LRP1B: variants seen among roughly 807,000 people sequenced by gnomAD.
LRP1B encodes low-density lipoprotein receptor-related protein 1B.
In LRP1B, 217 loss-of-function variants were observed where a neutral mutation model predicts 556.6. The observed-to-expected ratio is 0.39, with a 90% CI of 0.35 to 0.44. The LOEUF (loss-of-function observed/expected upper bound fraction) is 0.44, where lower values mean the gene tolerates loss of function less well. Among genes scored for constraint, LRP1B ranks in the 20% least tolerant of loss-of-function variants. The pLI, the probability that LRP1B is intolerant of heterozygous loss-of-function variation, is 1.00. For missense variants in LRP1B, 5,053 were observed against 5,620.8 expected, an observed-to-expected ratio of 0.90 and a Z score of 3.23; for synonymous variants, 2,047 against 1,865.8, an observed-to-expected ratio of 1.10 and a Z score of -2.50.
intron 74 of LRP1B, 142 bp downstream of exon 74, chr2:140,357,837 G>C (rs1163224552): frequency 1.2e-5 from 11 of 912,342 alleles, no homozygotes; most frequent in Non-Finnish European, 1.8e-5. Context: ...TTCTAATGTT[G>C]CTTTGGCAAA....
At chr2:141,955,545 G>T (rs189400263) in intron 1 of LRP1B, among the ~76,000 whole-genome samples, 1 of 152,126 alleles carries the variant, frequency 6.6e-6, no homozygotes, top group Admixed American at 6.6e-5. Context: ...ACAACCCTAC[G>T]TTGAGTCCTG....
chr2:140,715,247 A>G (rs935192261), intron 37 of LRP1B, among the ~76,000 whole-genome samples: 2 of 151,956 alleles, frequency 1.3e-5, no homozygotes, highest in African/African-American at 4.8e-5. Context: ...AAGTAAGCAG[A>G]TGTATATTAA....
In LRP1B at chr2:141,977,575, TCCTAC is replaced by T. The variant is rs1701922176; in HGVS notation, c.82+153068_82+153072del. Among the ~76,000 whole-genome samples, 14 of 152,212 alleles carry T rather than the reference TCCTAC, an allele frequency of 9.2e-5. No homozygotes were observed. In the South Asian group the frequency reaches 2.3e-3, roughly 25 times the overall value. On this transcript the variant is annotated intron_variant, in intron 1 of 90. Transcript: ENST00000389484. ...AGACTTCATCTCAAAAAAAAGTGAT[TCCTAC>T]CTTTCAAAAATTACTTTTAAAAACA...
At chr2:141,074,318 T>C (rs1313772466) in intron 7 of LRP1B, among the ~76,000 whole-genome samples, 1 of 152,148 alleles carries the variant, frequency 6.6e-6, no homozygotes, top group African/African-American at 2.4e-5. Flanking sequence ...TGTCAGTTCC[T>C]GTGAAAGATC....
At chr2:141,647,983 A>G (rs1306328114) in intron 2 of LRP1B, among the ~76,000 whole-genome samples, 1 of 152,160 alleles carries the variant, frequency 6.6e-6, no homozygotes, top group African/African-American at 2.4e-5. Flanking sequence ...AAATGATTAA[A>G]AAGTGCCTAA....
chr2:141,016,067 T>C, intron 12 of LRP1B, 152 bp from the exon 13 acceptor site: 1 of 642,846 alleles, frequency 1.6e-6, no homozygotes, highest in East Asian at 2.7e-5. Context: ...AGGGGGGAGC[T>C]GTGAAGTTTT....
At position 142,030,034 on chromosome 2, in the gene LRP1B, A is replaced by T. The variant is rs561419801; in HGVS notation, c.82+100614T>A. 7.5e-4 allele frequency among the ~76,000 whole-genome samples: 4 copies of T among 5,306 alleles called. No homozygotes were observed. In the Admixed American group the frequency reaches 0.013, roughly 17 times the overall value. 3.5% of individuals were successfully genotyped at this position (5,306 alleles called of 152,430 possible). A position where few individuals can be genotyped will look rare whatever the true frequency, so the allele number is the denominator to read the frequency against. The stretch of plus-strand genomic sequence containing the variant: ...AAAATACTCATATTGTGTCCTTTTT[A>T]GGAAAAAAAAAAAAACTCTGCAAGT... On this transcript the variant is annotated intron_variant, in intron 1 of 90. Coordinates refer to ENST00000389484, the MANE Select transcript of LRP1B (RefSeq NM_018557.3).
intron 66 of LRP1B, among the ~76,000 whole-genome samples, chr2:140,398,519 T>TGTTGTTGTCG (rs1553459761): frequency 6.6e-6 from 1 of 151,186 alleles, no homozygotes; most frequent in Non-Finnish European, 1.5e-5. Flanking sequence ...TTCTTTCTCT[T>TGTTGTTGTCG]TTGTTGTTGT....
intron 2 of LRP1B, among the ~76,000 whole-genome samples, chr2:141,492,682 G>C (rs1683376417): frequency 6.6e-6 from 1 of 152,096 alleles, no homozygotes. Flanking sequence ...GTCTTTCACT[G>C]GAAGAATCAT....
Position 141,333,483 on chromosome 2 carries a change from C to T in LRP1B, c.344-78842G>A, listed in dbSNP as rs563436343. ...TCATAGTTTTCAAATATTCACAACA[C>T]AAAATTATTATTAAATAAATAAAAA... On this transcript the variant is annotated intron_variant, in intron 3 of 90. Coordinates refer to ENST00000389484, the MANE Select transcript of LRP1B (RefSeq NM_018557.3). Among the ~76,000 whole-genome samples, 3 of 152,168 alleles carry T rather than the reference C, an allele frequency of 2.0e-5. No individual in the cohort carries two copies. In the South Asian group the frequency reaches 6.2e-4, roughly 32 times the overall value.
At chr2:140,327,827 C>T (rs1402040946) in intron 79 of LRP1B, among the ~76,000 whole-genome samples, 1 of 151,398 alleles carries the variant, frequency 6.6e-6, no homozygotes, top group Non-Finnish European at 1.5e-5. Flanking sequence ...CTAAGACCCA[C>T]TTTTATCAGC....
intron 28 of LRP1B, among the ~76,000 whole-genome samples, 158 bp downstream of exon 28, chr2:140,851,494 C>T (rs916786827): frequency 1.3e-5 from 2 of 152,090 alleles, no homozygotes; most frequent in African/African-American, 4.8e-5. Flanking sequence ...GCAGATGAAT[C>T]ATCAATAGTG....
At chr2:141,687,251 C>T (rs1399081953) in intron 2 of LRP1B, among the ~76,000 whole-genome samples, 2 of 151,912 alleles carry the variant, frequency 1.3e-5, no homozygotes, top group Non-Finnish European at 2.9e-5. Flanking sequence ...TTGGACAATA[C>T]AGTTCACCAA....
intron 1 of LRP1B, among the ~76,000 whole-genome samples, chr2:142,117,858 C>T (rs989310105): frequency 5.9e-5 from 9 of 152,168 alleles, no homozygotes; most frequent in African/African-American, 2.2e-4. Flanking sequence ...ACATCATCTT[C>T]TGACCAGCCT....
intron 2 of LRP1B, among the ~76,000 whole-genome samples, chr2:141,687,152 C>T (rs751645018): frequency 2.0e-5 from 3 of 151,950 alleles, no homozygotes; most frequent in Non-Finnish European, 2.9e-5. Context: ...ATTGTCCTAA[C>T]GTTCATTTTG....
At chr2:141,072,378 C>T (rs1169987730) in intron 7 of LRP1B, among the ~76,000 whole-genome samples, 1 of 152,024 alleles carries the variant, frequency 6.6e-6, no homozygotes, top group African/African-American at 2.4e-5. Context: ...AAGTCAGTAT[C>T]CCATAGATAT....
chr2:140,398,519 T>TTTGTTGTTGTTGTTGTTG (rs6146936), intron 66 of LRP1B, among the ~76,000 whole-genome samples: 65 of 151,308 alleles, frequency 4.3e-4, no homozygotes, highest in African/African-American at 1.5e-3. Context: ...TTCTTTCTCT[T>TTTGTTGTTGTTGTTGTTG]TTGTTGTTGT....
At chr2:140,736,295 A>C (rs1687944105) in intron 35 of LRP1B, among the ~76,000 whole-genome samples, 1 of 152,122 alleles carries the variant, frequency 6.6e-6, no homozygotes, top group South Asian at 2.1e-4. Context: ...ATCACCAAGA[A>C]GTTCAGTGGT....
intron 1 of LRP1B, among the ~76,000 whole-genome samples, chr2:141,913,936 T>C (rs1010036261): frequency 1.3e-5 from 2 of 151,964 alleles, no homozygotes; most frequent in Non-Finnish European, 2.9e-5. Context: ...TTAGTAGAGA[T>C]GGGGTTTCAC....
Sources: allele counts gnomAD v4.1 joint callset (sites outside exome capture counted in the v4.1 genomes callset), GRCh38; gene constraint gnomAD v4.1.1; transcripts MANE v1.5; gene names NCBI Gene and HGNC (gene_info 2026-07-23, HGNC 2026-07-21).